The following FAM193A variants were observed in gnomAD, a reference collection of about 807,000 sequenced individuals.
The protein encoded by FAM193A is family with sequence similarity 193 member A, also known as protein FAM193A.
FAM193A carries 22 observed loss-of-function variants against 126.5 expected under a neutral mutation model. The observed-to-expected ratio is 0.17, with a 90% confidence interval of 0.12 to 0.25. FAM193A has a LOEUF of 0.25. Ranked by LOEUF, FAM193A falls within the 10% of genes least tolerant of loss-of-function variation. The pLI, the probability that FAM193A is intolerant of heterozygous loss-of-function variation, is 1.00. For missense variants in FAM193A, 1,675 were observed against 1,672.8 expected, an observed-to-expected ratio of 1.00 and a Z score of -0.02; for synonymous variants, 761 against 646.8, an observed-to-expected ratio of 1.18 and a Z score of -2.68.
Position 2,565,591 on chromosome 4 carries a change from T to C in FAM193A, c.255+28421T>C, listed in dbSNP as rs145608784. On this transcript the variant is annotated intron_variant, in intron 1 of 20. Coordinates refer to ENST00000637812, the MANE Select transcript of FAM193A (RefSeq NM_001366318.2). ...CTTTGTAATAAAAAAAAAAAATTCA[T>C]GTAGTCCGTCAGGTAAGAAACAAAG... Among the ~76,000 whole-genome samples, 435 of 151,828 alleles carry C rather than the reference T, an allele frequency of 2.9e-3. 1 individual carries two copies. Among genetic ancestry groups the C allele is most frequent in the African/African-American group, 7.9e-3 (328 of 41,400 alleles).
chr4:2,581,151 A>C (rs989130214), intron 1 of FAM193A, among the ~76,000 whole-genome samples: 4 of 151,714 alleles, frequency 2.6e-5, no homozygotes, highest in East Asian at 3.9e-4. Context: ...CAAAAAAAAA[A>C]CCACTGATTT....
intron 19 of FAM193A, among the ~76,000 whole-genome samples, chr4:2,707,078 C>T (rs1044209385): frequency 6.6e-6 from 1 of 151,966 alleles, no homozygotes; most frequent in African/African-American, 2.4e-5. Flanking sequence ...GCCAAGGTTG[C>T]TCCACTGCGC....
intron 19 of FAM193A, among the ~76,000 whole-genome samples, chr4:2,710,321 C>T (rs549894417): frequency 1.3e-4 from 19 of 151,182 alleles, no homozygotes; most frequent in African/African-American, 3.4e-4. Context: ...ATTATAGGCG[C>T]GTGTTACTAC....
intron 2 of FAM193A, among the ~76,000 whole-genome samples, chr4:2,610,942 G>A (rs535916921): frequency 6.6e-6 from 1 of 152,188 alleles, no homozygotes; most frequent in African/African-American, 2.4e-5. Flanking sequence ...TCTCCATGTT[G>A]GTCAGGCTGG....
At chr4:2,679,613 G>T (rs916144353) in intron 13 of FAM193A, among the ~76,000 whole-genome samples, 5 of 151,774 alleles carry the variant, frequency 3.3e-5, no homozygotes, top group African/African-American at 1.2e-4. Flanking sequence ...CCCGACCTCA[G>T]GTGATCCACC....
chr4:2,695,669 A>C (rs1716952018), intron 17 of FAM193A, among the ~76,000 whole-genome samples: 1 of 152,230 alleles, frequency 6.6e-6, no homozygotes, highest in Non-Finnish European at 1.5e-5. Flanking sequence ...GAAATTTGGC[A>C]GTAGGATTCA....
chr4:2,601,899 C>T (rs1297689137), intron 2 of FAM193A, among the ~76,000 whole-genome samples: 6 of 152,116 alleles, frequency 3.9e-5, no homozygotes, highest in East Asian at 1.9e-4. Flanking sequence ...AATGCAGTGG[C>T]GTGATCTTGG....
intron 1 of FAM193A, among the ~76,000 whole-genome samples, chr4:2,575,889 G>T (rs997266385): frequency 2.6e-5 from 4 of 152,100 alleles, no homozygotes; most frequent in African/African-American, 4.8e-5. Flanking sequence ...AAATGTTCTT[G>T]TGTGTTGCTT....
chr4:2,545,487 T>C (rs923494393), intron 1 of FAM193A, among the ~76,000 whole-genome samples: 1 of 152,170 alleles, frequency 6.6e-6, no homozygotes, highest in African/African-American at 2.4e-5. Flanking sequence ...TTATGGCTGC[T>C]ATGAGTCAAC....
At chr4:2,632,738 T>C (rs1279418552) in intron 5 of FAM193A, among the ~76,000 whole-genome samples, 1 of 152,104 alleles carries the variant, frequency 6.6e-6, no homozygotes, top group Non-Finnish European at 1.5e-5. Flanking sequence ...CTGAGTCCAC[T>C]GGGTAGTGCC....
chr4:2,645,193 G>A lies in FAM193A; in HGVS notation c.1164-1492G>A, dbSNP rs183851106. Among the ~76,000 whole-genome samples, 7 of 152,228 alleles carry A rather than the reference G, an allele frequency of 4.6e-5. No homozygotes were observed. The East Asian group carries it at 5.8e-4, about 13-fold the overall frequency. Reference sequence around the variant, plus strand: ...AAATAGTGCTGATCCTTAACCTTGCGCAGAATCTTTGTGCTCTTGATATAT... The same window carrying A: ...AAATAGTGCTGATCCTTAACCTTGCACAGAATCTTTGTGCTCTTGATATAT... On this transcript the variant is annotated intron_variant, in intron 6 of 20. Coordinates refer to ENST00000637812, the MANE Select transcript of FAM193A (RefSeq NM_001366318.2).
chr4:2,538,410 C>T (rs1737020813), intron 1 of FAM193A, among the ~76,000 whole-genome samples: 1 of 152,068 alleles, frequency 6.6e-6, no homozygotes, highest in Non-Finnish European at 1.5e-5. Context: ...CCAGGCTGGT[C>T]TCGAACTCGT....
Position 2,700,433 on chromosome 4 carries a change from C to G in FAM193A, c.4261C>G (p.Pro1421Ala). The G allele has an allele frequency of 1.2e-6, 2 of 1,614,182 alleles. No individual in the cohort carries two copies. Among genetic ancestry groups the G allele is most frequent in the South Asian group, 2.2e-5 (2 of 91,088 alleles). Reference sequence around the variant, plus strand: ...CCCAACCCCTATGGAGCCCACCTCTCCCGGTGAGCATCAGCAGAACAGCAA... The same window carrying G: ...CCCAACCCCTATGGAGCCCACCTCTGCCGGTGAGCATCAGCAGAACAGCAA... ...SNPTPMEPTS[P>A]GEHQQNSKLV... The change falls in exon 19 of 21, where the codon CCC becomes GCC. Residue 1421 changes from proline to alanine, a missense_variant. Pro to Ala is a conservative substitution (Grantham distance 27, BLOSUM62 -1). Transcript: ENST00000637812.
At chr4:2,675,928 G>A (rs1485246718) in intron 13 of FAM193A, among the ~76,000 whole-genome samples, 1 of 152,158 alleles carries the variant, frequency 6.6e-6, no homozygotes, top group Admixed American at 6.5e-5. Context: ...TTAGCATAAT[G>A]TCCTCAGCGT....
At chr4:2,557,340 T>C (rs1323158487) in intron 1 of FAM193A, among the ~76,000 whole-genome samples, 1 of 152,168 alleles carries the variant, frequency 6.6e-6, no homozygotes, top group African/African-American at 2.4e-5. Context: ...CTGGAGTTTG[T>C]GCATTCTCTT....
chr4:2,685,258 G>T (rs1353275115), intron 13 of FAM193A, among the ~76,000 whole-genome samples: 1 of 152,184 alleles, frequency 6.6e-6, no homozygotes, highest in African/African-American at 2.4e-5. Context: ...TTGGTCCCTT[G>T]TTAGCTTCGA....
At chr4:2,573,454 A>C (rs1739407116) in intron 1 of FAM193A, among the ~76,000 whole-genome samples, 1 of 151,118 alleles carries the variant, frequency 6.6e-6, no homozygotes, top group Non-Finnish European at 1.5e-5. Flanking sequence ...CGGAGGTTGC[A>C]GTGAGCTGAG....
At chr4:2,656,228 A>G (rs569435047) in intron 7 of FAM193A, among the ~76,000 whole-genome samples, 49 of 152,264 alleles carry the variant, frequency 3.2e-4, no homozygotes, top group African/African-American at 1.0e-3. Flanking sequence ...AATAGTTTAA[A>G]TTTTCTGTCC....
intron 1 of FAM193A, among the ~76,000 whole-genome samples, chr4:2,554,337 C>T (rs1413008275): frequency 1.3e-5 from 2 of 152,098 alleles, no homozygotes; most frequent in Admixed American, 6.6e-5. Flanking sequence ...CCCCGCTCAG[C>T]CTCCCAAAGT....
Sources: gnomAD v4.1 joint callset for allele counts (sites outside exome capture counted in the v4.1 genomes callset) on GRCh38, gnomAD v4.1.1 for gene constraint, MANE v1.5 for transcripts, NCBI Gene and HGNC (gene_info 2026-07-23, HGNC 2026-07-21) for gene names.